RBL1: variants seen among roughly 807,000 people sequenced by gnomAD.
The protein encoded by RBL1 is retinoblastoma-like protein 1.
In RBL1, 82 loss-of-function variants were observed where a neutral mutation model predicts 123.0. The observed-to-expected ratio is 0.67, with a 90% CI of 0.56 to 0.80. The LOEUF (loss-of-function observed/expected upper bound fraction) is 0.80, where lower values mean the gene tolerates loss of function less well. Among genes scored for constraint, RBL1 ranks in the 30% least tolerant of loss-of-function variants. The probability of loss-of-function intolerance (pLI) is 0.00; values close to 1 mark genes in which losing one functional copy is unlikely to be tolerated. For synonymous variants in RBL1, 405 were observed against 441.3 expected, an observed-to-expected ratio of 0.92 and a Z score of 1.03; for missense variants, 1,171 against 1,299.6, an observed-to-expected ratio of 0.90 and a Z score of 1.52.
At chr20:37,015,438 T>TG (rs1049180452) in intron 19 of RBL1, among the ~76,000 whole-genome samples, 37 of 150,158 alleles carry the variant, frequency 2.5e-4, no homozygotes, top group African/African-American at 8.0e-4. Context: ...TTGTTGTTGT[T>TG]TTTTTTTTTT....
At chr20:37,082,175 CCTT>C (rs2065463337) in intron 2 of RBL1, 1 of 344,086 alleles carries the variant, frequency 2.9e-6, no homozygotes, top group Non-Finnish European at 5.7e-6. Flanking sequence ...CTGCGTACCT[CCTT>C]CTTTTTCTCC....
At chr20:37,085,647 ATTTTTTTTT>A (rs1202673380) in intron 2 of RBL1, among the ~76,000 whole-genome samples, 1 of 84,606 alleles carries the variant, frequency 1.2e-5, no homozygotes, top group African/African-American at 4.7e-5. Context: ...TTGAAATTTG[ATTTTTTTTT>A]TTTTTTTTTT....
At chr20:37,094,103 G>A (rs541361559) in intron 1 of RBL1, among the ~76,000 whole-genome samples, 1 of 152,204 alleles carries the variant, frequency 6.6e-6, no homozygotes, top group African/African-American at 2.4e-5. Context: ...GAATGGCATG[G>A]ATATACCACA....
chr20:37,057,177 C>T (rs2146287921), intron 9 of RBL1, among the ~76,000 whole-genome samples: 1 of 152,194 alleles, frequency 6.6e-6, no homozygotes, highest in South Asian at 2.1e-4. Flanking sequence ...TGCAAATATC[C>T]CTTTGAGATG....
At chr20:37,016,157 A>T (rs1255207398) in intron 19 of RBL1, among the ~76,000 whole-genome samples, 1 of 150,416 alleles carries the variant, frequency 6.6e-6, no homozygotes, top group Non-Finnish European at 1.5e-5. Context: ...CCTCCTAAGT[A>T]GCTGGGATTA....
chr20:37,090,122 A>G (rs1266725479), intron 1 of RBL1, among the ~76,000 whole-genome samples: 1 of 152,118 alleles, frequency 6.6e-6, no homozygotes, highest in Non-Finnish European at 1.5e-5. Flanking sequence ...AATTTACTGT[A>G]CCCCTTTTAT....
At position 37,042,885 on chromosome 20, in the gene RBL1, T is replaced by A. The variant is rs542875309; in HGVS notation, c.1770+1201A>T. 2.6e-3 allele frequency among the ~76,000 whole-genome samples: 275 copies of A among 104,026 alleles called. 2 individuals carry two copies. Among genetic ancestry groups the A allele is most frequent in the African/African-American group, 0.011 (267 of 25,022 alleles). 68.2% of individuals were successfully genotyped at this position (104,026 alleles called of 152,430 possible). A position where few individuals can be genotyped will look rare whatever the true frequency, so the allele number is the denominator to read the frequency against. On this transcript the variant is annotated intron_variant, in intron 13 of 21. Transcript: ENST00000373664. ...CTGCACTCCAGCCTGGGTGACAGAG[T>A]GAGATCTTGTCCCCCCCCCTCCAAA...
chr20:37,056,435 A>G (rs2065008796), intron 9 of RBL1, among the ~76,000 whole-genome samples, 177 bp from the exon 10 acceptor site: 1 of 149,664 alleles, frequency 6.7e-6, no homozygotes, highest in Admixed American at 6.7e-5. Context: ...GTTCACTGCA[A>G]CCTCTTCCTC....
chr20:37,003,987 A>G, intron 20 of RBL1, 121 bp from the exon 21 acceptor site: 1 of 753,094 alleles, frequency 1.3e-6, no homozygotes, highest in Non-Finnish European at 1.9e-6. Flanking sequence ...AAGCTCATTT[A>G]TGGTTGAGAA....
At chr20:37,055,787 G>A (rs2064993962) in intron 10 of RBL1, 131 bp from the exon 11 acceptor site, 6 of 923,482 alleles carry the variant, frequency 6.5e-6, no homozygotes, top group South Asian at 1.8e-5. Flanking sequence ...GGTGGCTCAC[G>A]CCTGTAATCC....
At chr20:37,057,476 T>C (rs2065028779) in intron 9 of RBL1, among the ~76,000 whole-genome samples, 1 of 152,218 alleles carries the variant, frequency 6.6e-6, no homozygotes, top group Admixed American at 6.5e-5. Flanking sequence ...CAAATATTTT[T>C]TCATATGCTT....
chr20:37,092,223 G>A (rs548418563), intron 1 of RBL1, among the ~76,000 whole-genome samples: 1 of 152,180 alleles, frequency 6.6e-6, no homozygotes, highest in Non-Finnish European at 1.5e-5. Context: ...TAGCATCCAA[G>A]TATTATAGAG....
At chr20:37,052,160 G>A (rs2064925562) in intron 11 of RBL1, among the ~76,000 whole-genome samples, 1 of 151,846 alleles carries the variant, frequency 6.6e-6, no homozygotes, top group South Asian at 2.1e-4. Flanking sequence ...AGCCTCCCGA[G>A]TAGCTGGGAT....
intron 7 of RBL1, 59 bp from the exon 8 acceptor site, chr20:37,062,329 T>G (rs774025819): frequency 4.2e-5 from 65 of 1,562,014 alleles, no homozygotes; most frequent in Non-Finnish European, 5.6e-5. Flanking sequence ...TTATTTTGAC[T>G]TGAAGATAGA....
At chr20:37,069,828 C>T (rs1184271967) in intron 2 of RBL1, among the ~76,000 whole-genome samples, 1 of 151,446 alleles carries the variant, frequency 6.6e-6, no homozygotes, top group South Asian at 2.1e-4. Context: ...GGCCAGCCGC[C>T]CTGTCCGGGA....
intron 11 of RBL1, among the ~76,000 whole-genome samples, chr20:37,053,811 A>G (rs1210575284): frequency 6.6e-6 from 1 of 152,222 alleles, no homozygotes; most frequent in African/African-American, 2.4e-5. Flanking sequence ...TCAAGTGGCC[A>G]CAGAACATTC....
intron 2 of RBL1, among the ~76,000 whole-genome samples, chr20:37,074,294 A>G (rs1370364789): frequency 1.3e-5 from 2 of 150,656 alleles, no homozygotes; most frequent in Non-Finnish European, 1.5e-5. Context: ...TGCACCTGTG[A>G]TCTTAGCTAC....
chr20:37,085,647 A>ATTTTTTTTTTTTTTTTTTTTTTTTTTTT (rs1202673380), intron 2 of RBL1, among the ~76,000 whole-genome samples: 1 of 84,606 alleles, frequency 1.2e-5, no homozygotes, highest in Non-Finnish European at 2.2e-5. Context: ...TTGAAATTTG[A>ATTTTTTTTTTTTTTTTTTTTTTTTTTTT]TTTTTTTTTT....
chr20:37,079,038 C>T (rs1006314879), intron 2 of RBL1, among the ~76,000 whole-genome samples: 2 of 151,648 alleles, frequency 1.3e-5, no homozygotes, highest in African/African-American at 4.8e-5. Context: ...CTCTATAAAA[C>T]AAAAACTACA....
Sources: gnomAD v4.1 joint callset for allele counts (sites outside exome capture counted in the v4.1 genomes callset) on GRCh38, gnomAD v4.1.1 for gene constraint, MANE v1.5 for transcripts, NCBI Gene and HGNC (gene_info 2026-07-23, HGNC 2026-07-21) for gene names.